The following REEP5 variants were observed in gnomAD, a reference collection of about 807,000 sequenced individuals.
REEP5 encodes the protein receptor accessory protein 5.
Under a neutral mutation model 22.4 loss-of-function variants are expected in REEP5, and 24 were observed. That is an observed-to-expected ratio of 1.07 (90% confidence interval 0.78 to 1.51). The LOEUF is 1.51. REEP5 is among the 40% of genes most tolerant of loss of function. The probability of loss-of-function intolerance (pLI) is 0.00; values close to 1 mark genes in which losing one functional copy is unlikely to be tolerated. For missense variants in REEP5, 252 were observed against 233.0 expected (o/e 1.08, Z -0.53); for synonymous variants, 103 against 88.6 (o/e 1.16, Z -0.92).
chr5:112,917,535 T>C (rs1385325558), intron 2 of REEP5, among the ~76,000 whole-genome samples: 1 of 152,182 alleles, frequency 6.6e-6, no homozygotes, highest in Admixed American at 6.5e-5. Context: ...AAGCAAACCT[T>C]CCCCTTTCCT....
chr5:112,904,002 C>A (rs1322459061), intron 2 of REEP5, among the ~76,000 whole-genome samples: 1 of 152,098 alleles, frequency 6.6e-6, no homozygotes, highest in Non-Finnish European at 1.5e-5. Context: ...TAGCTACTTG[C>A]TAAATTTTTA....
chr5:112,886,141 TAC>T (rs1399957877), intron 4 of REEP5, among the ~76,000 whole-genome samples: 2 of 152,342 alleles, frequency 1.3e-5, no homozygotes, highest in Admixed American at 1.3e-4. Context: ...CCTTGACTAT[TAC>T]ACTGCCTGGA....
chr5:112,895,399 A>G (rs759039023), intron 3 of REEP5: 3 of 152,198 alleles, frequency 2.0e-5, no homozygotes, highest in Non-Finnish European at 4.4e-5. Context: ...ACCAAATCCT[A>G]AAGTTCTTAT....
At chr5:112,885,595 G>A in intron 4 of REEP5, 1 of 272,814 alleles carries the variant, frequency 3.7e-6, no homozygotes, top group Non-Finnish European at 7.8e-6. Context: ...GGACAACTTA[G>A]ACCCACTAGT....
chr5:112,880,643 C>T (rs1350016575), intron 4 of REEP5, among the ~76,000 whole-genome samples: 1 of 152,166 alleles, frequency 6.6e-6, no homozygotes, highest in African/African-American at 2.4e-5. Context: ...ATGTAAATTC[C>T]TCCTAACTTA....
chr5:112,883,978 C>T (rs1039816820), intron 4 of REEP5, among the ~76,000 whole-genome samples: 3 of 152,264 alleles, frequency 2.0e-5, no homozygotes, highest in African/African-American at 7.2e-5. Context: ...GAATCTGATA[C>T]TTCTTACCCC....
chr5:112,889,730 C>T (rs898447925), intron 3 of REEP5, among the ~76,000 whole-genome samples: 1 of 150,474 alleles, frequency 6.6e-6, no homozygotes, highest in South Asian at 2.1e-4. Flanking sequence ...CCTGTAATCC[C>T]AGCACTTTGG....
At chr5:112,889,936 C>T (rs946229644) in intron 3 of REEP5, among the ~76,000 whole-genome samples, 1 of 149,998 alleles carries the variant, frequency 6.7e-6, no homozygotes, top group African/African-American at 2.5e-5. Flanking sequence ...AAGCGATTCT[C>T]CTGTCTCAGC....
intron 2 of REEP5, among the ~76,000 whole-genome samples, chr5:112,906,955 G>A (rs899084928): frequency 6.6e-6 from 1 of 152,164 alleles, no homozygotes; most frequent in East Asian, 1.9e-4. Flanking sequence ...AAAGTTGGAC[G>A]TAGAAGTCAA....
At chr5:112,909,656 T>C (rs1367184851) in intron 2 of REEP5, among the ~76,000 whole-genome samples, 1 of 152,184 alleles carries the variant, frequency 6.6e-6, no homozygotes, top group Non-Finnish European at 1.5e-5. Flanking sequence ...TACATTGGCA[T>C]TGGACTGGTA....
intron 3 of REEP5, chr5:112,892,371 C>A (rs1197267580): frequency 6.2e-7 from 1 of 1,614,004 alleles, no homozygotes; most frequent in East Asian, 2.2e-5. Context: ...TCCTAGATTT[C>A]TATGAGGATG....
Position 112,921,234 on chromosome 5 carries a change from C to A in REEP5, c.141G>T (p.Leu47Phe), listed in dbSNP as rs1287463349. Residue 47 changes from leucine (L) to phenylalanine (F), a missense_variant, in exon 2 of 5, where the codon TTG (leucine) becomes TTT (phenylalanine). Transcript: ENST00000379638. ...IALGVIGLVA[L>F]YLVFGYGASL... Reference sequence around the variant, plus strand: ...AGGCTCCATAACCGAACACCAGGTACAAGGCCACCAGTCCGATGACACCTG... The same window carrying A: ...AGGCTCCATAACCGAACACCAGGTAAAAGGCCACCAGTCCGATGACACCTG... 1 of 1,614,132 alleles carries A rather than the reference C, an allele frequency of 6.2e-7. No individual in the cohort carries two copies. The highest frequency in any genetic ancestry group is 1.7e-5 in the Admixed American group (1 of 60,026).
rs112088343 is a variant in REEP5 at position 112,913,381 on chromosome 5, G to GA, written c.212+7781dup. On this transcript the variant is annotated intron_variant, in intron 2 of 4. Coordinates refer to ENST00000379638, the MANE Select transcript of REEP5 (RefSeq NM_005669.5). ...AGAAAGGAAAGAAAGAAGAAAGAAA[G>GA]AGAAAGAAAGAGAAAGAAAGAAAAA... 2.4e-3 allele frequency among the ~76,000 whole-genome samples: 82 copies of GA among 33,864 alleles called. No individual in the cohort carries two copies. In the African/African-American group the frequency reaches 0.068, roughly 28 times the overall value. The allele number at this position is 33,864 out of a possible 152,430, so 22.2% of individuals were successfully genotyped here.
At chr5:112,921,676 C>G (rs1769372437) in intron 1 of REEP5, 1 of 240,550 alleles carries the variant, frequency 4.2e-6, no homozygotes, top group Non-Finnish European at 8.1e-6. Context: ...GAGAGGCGCC[C>G]TCTCCGGGCG....
At chr5:112,885,238 T>G (rs1210920795) in intron 4 of REEP5, 2 of 166,858 alleles carry the variant, frequency 1.2e-5, no homozygotes, top group African/African-American at 4.8e-5. Context: ...GAGAAGGCAC[T>G]GAGGAGGAAA....
At chr5:112,891,815 A>G in intron 3 of REEP5, 1 of 1,591,286 alleles carries the variant, frequency 6.3e-7, no homozygotes, top group East Asian at 2.2e-5. Flanking sequence ...ACTTTTATTG[A>G]AGAACAACAA....
At chr5:112,916,657 T>A (rs1378704228) in intron 2 of REEP5, among the ~76,000 whole-genome samples, 1 of 152,202 alleles carries the variant, frequency 6.6e-6, no homozygotes, top group East Asian at 1.9e-4. Context: ...TTAATTTTCA[T>A]CTCTACATAA....
intron 3 of REEP5, among the ~76,000 whole-genome samples, chr5:112,889,962 G>C (rs1657133666): frequency 6.7e-6 from 1 of 150,126 alleles, no homozygotes; most frequent in Non-Finnish European, 1.5e-5. Context: ...AAGTAGCTGG[G>C]ACTGCAGGCA....
rs2546115 is a variant in REEP5, at chr5:112,878,396, C to T, written c.*390G>A. 50,272 of 181,826 alleles carry T rather than the reference C, an allele frequency of 0.28. 8,674 individuals are homozygous for T. Among genetic ancestry groups the T allele is most frequent in the East Asian group, 0.64 (4,291 of 6,748 alleles). The allele number at this position is 181,826 out of a possible 1,614,324, so 11.3% of individuals were successfully genotyped here. On this transcript the variant is annotated 3_prime_UTR_variant, in exon 5 of 5. Transcript: ENST00000379638. ...CAGAATTATATAAAATTGTACATTA[C>T]AGGAAGTAGAACCATAAAGATTATC... is the stretch of plus-strand genomic sequence containing the variant.
Sources: allele counts gnomAD v4.1 joint callset (sites outside exome capture counted in the v4.1 genomes callset), GRCh38; gene constraint gnomAD v4.1.1; transcripts MANE v1.5; gene names NCBI Gene and HGNC (gene_info 2026-07-23, HGNC 2026-07-21).